SIPA1L3: variants seen among roughly 807,000 people sequenced by gnomAD.
The protein encoded by SIPA1L3 is signal induced proliferation associated 1 like 3, also known as signal-induced proliferation-associated 1-like protein 3.
Under a neutral mutation model 150.1 loss-of-function variants are expected in SIPA1L3, and 59 were observed. That is an observed-to-expected ratio of 0.39 (90% CI 0.32 to 0.49). The LOEUF is 0.49. Ranked by LOEUF, SIPA1L3 falls within the 20% of genes least tolerant of loss-of-function variation. SIPA1L3 has a pLI of 0.86. For synonymous variants in SIPA1L3, 1,070 were observed against 1,077.6 expected (o/e 0.99, Z 0.14); for missense variants, 2,211 against 2,489.5 (o/e 0.89, Z 2.38).
chr19:38,134,446 T>C (rs1267032629), intron 10 of SIPA1L3, among the ~76,000 whole-genome samples: 1 of 138,284 alleles, frequency 7.2e-6, no homozygotes, highest in East Asian at 2.2e-4. Context: ...TGGTGGCTCA[T>C]GCCTGTAATC....
intron 1 of SIPA1L3, among the ~76,000 whole-genome samples, chr19:37,983,304 C>T (rs183506259): frequency 2.9e-4 from 44 of 152,286 alleles, no homozygotes; most frequent in Admixed American, 5.9e-4. Context: ...CCAGTTCTGT[C>T]GCTTACTTGC....
At position 38,193,641 on chromosome 19, in the gene SIPA1L3, G is replaced by T; in HGVS notation, c.4701G>T (p.Leu1567=). 1 of 1,579,104 alleles carries T rather than the reference G, an allele frequency of 6.3e-7. No homozygotes were observed. Residue 1567 remains leucine, a synonymous_variant, in exon 18 of 22, where the codon CTG becomes CTT. Transcript: ENST00000222345. The part of the protein sequence containing the change: ...FASPAGLEPG[L]PSDVLFTSTC... ...GCCCCGCTGGCCTAGAGCCAGGGCT[G>T]CCCAGCGACGTGCTCTTCACCAGCA... is the stretch of plus-strand genomic sequence containing the variant.
intron 10 of SIPA1L3, chr19:38,131,553 CCATGCTTGGGTTTTAT>C (rs1971306820): frequency 1.3e-5 from 2 of 153,630 alleles, no homozygotes; most frequent in African/African-American, 4.8e-5. Context: ...GGGTTTTATT[CCATGCTTGGGTTTTAT>C]TCCATGCTCA....
intron 10 of SIPA1L3, among the ~76,000 whole-genome samples, chr19:38,132,080 A>C (rs1359387775): frequency 6.6e-6 from 1 of 151,600 alleles, no homozygotes; most frequent in Non-Finnish European, 1.5e-5. Flanking sequence ...GCATCTCTGC[A>C]TCTCTGCCTA....
intron 2 of SIPA1L3, among the ~76,000 whole-genome samples, chr19:38,065,297 A>G (rs1969546891): frequency 1.3e-5 from 2 of 152,064 alleles, no homozygotes; most frequent in South Asian, 2.1e-4. Flanking sequence ...TGGGCCCTCA[A>G]GTAGAGAGCT....
chr19:38,130,844 A>G, intron 10 of SIPA1L3, 72 bp downstream of exon 10: 1 of 1,501,820 alleles, frequency 6.7e-7, no homozygotes, highest in Non-Finnish European at 9.0e-7. Flanking sequence ...CCTCCCTGGC[A>G]CTGTCACTTG....
At chr19:38,020,963 G>C (rs1968360745) in intron 1 of SIPA1L3, among the ~76,000 whole-genome samples, 1 of 152,182 alleles carries the variant, frequency 6.6e-6, no homozygotes, top group East Asian at 1.9e-4. Context: ...ACCACACCCA[G>C]CTAATTTTTG....
intron 15 of SIPA1L3, 123 bp from the exon 16 acceptor site, chr19:38,182,396 A>G: frequency 1.3e-6 from 1 of 741,754 alleles, no homozygotes; most frequent in Non-Finnish European, 2.3e-6. Context: ...CAGCGGTAAT[A>G]TATTTGTGTC....
chr19:38,164,048 C>G lies in SIPA1L3; in HGVS notation c.3781-431C>G, dbSNP rs538813439. Among the ~76,000 whole-genome samples, 3 of 152,074 alleles carry G rather than the reference C, an allele frequency of 2.0e-5. No homozygotes were observed. The highest frequency in any genetic ancestry group is 4.4e-5 in the Non-Finnish European group (3 of 68,016). On this transcript the variant is annotated intron_variant, in intron 14 of 21. Coordinates refer to ENST00000222345, the MANE Select transcript of SIPA1L3 (RefSeq NM_015073.3). This position sits in a 1 kb window ranked among gnomAD's most constrained non-coding sequence, Gnocchi z 4.1. ...ACAGGTCCCGGATCTGTGTTGAGGA[C>G]GCGGGCAGCAGGGTTTGCTAGTGGG... is the stretch of plus-strand genomic sequence containing the variant.
chr19:38,182,808 G>T (rs1031391486), intron 16 of SIPA1L3, 68 bp downstream of exon 16: 1 of 1,227,872 alleles, frequency 8.1e-7, no homozygotes, highest in Non-Finnish European at 1.2e-6. Flanking sequence ...GGCGGAAAGA[G>T]GGTGATGCCA....
At chr19:38,031,975 T>C (rs1274971483) in intron 2 of SIPA1L3, among the ~76,000 whole-genome samples, 1 of 152,046 alleles carries the variant, frequency 6.6e-6, no homozygotes, top group African/African-American at 2.4e-5. Flanking sequence ...AAATGCTACC[T>C]TTGGGGAGAA....
intron 17 of SIPA1L3, 148 bp from the exon 18 acceptor site, chr19:38,193,389 G>A (rs982571538): frequency 7.9e-6 from 7 of 886,288 alleles, no homozygotes; most frequent in African/African-American, 1.8e-5. Context: ...GAGGAAGGGA[G>A]GGAGGGAGGA....
intron 2 of SIPA1L3, among the ~76,000 whole-genome samples, chr19:38,072,186 C>A (rs1969737048): frequency 6.6e-6 from 1 of 152,164 alleles, no homozygotes; most frequent in Admixed American, 6.5e-5. Flanking sequence ...CTATGAGTTA[C>A]TTCCTCTGTC....
intron 16 of SIPA1L3, chr19:38,183,061 G>C: frequency 3.5e-6 from 1 of 289,012 alleles, no homozygotes; most frequent in Non-Finnish European, 6.4e-6. Flanking sequence ...GGCAGTGAGT[G>C]ACACGGTTGC....
chr19:38,085,709 G>T (rs1448011078), intron 3 of SIPA1L3, among the ~76,000 whole-genome samples: 1 of 152,106 alleles, frequency 6.6e-6, no homozygotes, highest in African/African-American at 2.4e-5. Context: ...AATGGATCAG[G>T]CTGGCTGAGC....
Position 38,193,688 on chromosome 19 carries a change from C to A in SIPA1L3, c.4748C>A (p.Thr1583Lys). 6.3e-7 allele frequency: 1 copy of A among 1,575,804 alleles called. No individual in the cohort carries two copies. The highest frequency in any genetic ancestry group is 8.6e-7 in the Non-Finnish European group (1 of 1,168,570). ...FTSTCAFPSSTLPARRQHQHP... is the reference protein window; with the variant it reads ...FTSTCAFPSSKLPARRQHQHP... ...AGCACCTGCGCCTTCCCGTCCAGCA[C>A]GCTGCCTGCACGCCGCCAGCACCAG... Residue 1583 changes from threonine to lysine, a missense_variant, in exon 18 of 22, where the codon ACG (threonine) becomes AAG (lysine). By Grantham distance (78) the Thr-to-Lys change is moderately conservative. Around this residue, in one of 5 missense-constraint regions of SIPA1L3, gnomAD observed 806 missense variants for 870.1 expected, o/e 0.93. Coordinates refer to ENST00000222345, the MANE Select transcript of SIPA1L3 (RefSeq NM_015073.3).
intron 2 of SIPA1L3, among the ~76,000 whole-genome samples, chr19:38,078,401 T>G (rs1969895256): frequency 6.6e-6 from 1 of 151,094 alleles, no homozygotes; most frequent in African/African-American, 2.4e-5. Flanking sequence ...TAACTGGGCA[T>G]AAATTAGGAA....
intron 1 of SIPA1L3, among the ~76,000 whole-genome samples, chr19:37,985,164 G>A (rs188767771): frequency 1.6e-4 from 25 of 152,046 alleles, no homozygotes; most frequent in Admixed American, 1.4e-3. Context: ...GGGCGACAGA[G>A]CAAGATTCTA....
intron 15 of SIPA1L3, among the ~76,000 whole-genome samples, chr19:38,175,199 G>T (rs1353239979): frequency 6.6e-6 from 1 of 152,002 alleles, no homozygotes; most frequent in Non-Finnish European, 1.5e-5. Context: ...GCTAAGTGAG[G>T]TGACGCCTAT....
Sources: allele counts gnomAD v4.1 joint callset (sites outside exome capture counted in the v4.1 genomes callset), GRCh38; gene constraint gnomAD v4.1.1; regional missense constraint gnomAD v4.1.1; non-coding constraint Gnocchi (gnomAD v3.1); transcripts MANE v1.5; gene names NCBI Gene and HGNC (gene_info 2026-07-23, HGNC 2026-07-21).